HCN1: variants seen among roughly 807,000 people sequenced by gnomAD.
HCN1 encodes hyperpolarization activated cyclic nucleotide gated potassium channel 1, also known as potassium/sodium hyperpolarization-activated cyclic nucleotide-gated channel 1.
Under a neutral mutation model 78.9 loss-of-function variants are expected in HCN1, and 13 were observed. The observed-to-expected ratio is 0.16, with a 90% CI of 0.11 to 0.26. HCN1 has a LOEUF of 0.26. Among genes scored for constraint, HCN1 ranks in the 10% least tolerant of loss-of-function variants. The pLI is 1.00. For missense variants in HCN1, 810 were observed against 1,154.3 expected (o/e 0.70, Z 4.32); for synonymous variants, 552 against 455.5 (o/e 1.21, Z -2.70).
intron 2 of HCN1, among the ~76,000 whole-genome samples, chr5:45,590,528 T>A (rs946699980): frequency 6.6e-6 from 1 of 152,218 alleles, no homozygotes; most frequent in Non-Finnish European, 1.5e-5. Flanking sequence ...ATGGTTTACA[T>A]TAGGGGTCAC....
chr5:45,347,719 C>G (rs1746780045), intron 5 of HCN1, among the ~76,000 whole-genome samples: 1 of 152,002 alleles, frequency 6.6e-6, no homozygotes, highest in South Asian at 2.1e-4. Flanking sequence ...GTGAAGAATG[C>G]AGAAGCCTCA....
intron 6 of HCN1, among the ~76,000 whole-genome samples, chr5:45,283,128 A>G (rs1316701934): frequency 2.6e-5 from 4 of 152,168 alleles, no homozygotes; most frequent in Non-Finnish European, 5.9e-5. Flanking sequence ...GCATGTTCGA[A>G]ATTATTAAAG....
intron 3 of HCN1, among the ~76,000 whole-genome samples, chr5:45,398,494 T>G (rs1739726715): frequency 6.6e-6 from 1 of 152,144 alleles, no homozygotes; most frequent in Non-Finnish European, 1.5e-5. Context: ...ATGTGTAGGT[T>G]CATGTATTTA....
intron 6 of HCN1, among the ~76,000 whole-genome samples, chr5:45,299,469 G>A (rs1299347698): frequency 1.3e-5 from 2 of 151,432 alleles, no homozygotes; most frequent in African/African-American, 4.9e-5. Context: ...AATCATCTGG[G>A]GATTTTTTTC....
At chr5:45,290,867 G>T (rs1745358710) in intron 6 of HCN1, among the ~76,000 whole-genome samples, 1 of 151,780 alleles carries the variant, frequency 6.6e-6, no homozygotes, top group Admixed American at 6.6e-5. Flanking sequence ...ATAAGGAAAA[G>T]ACTATAAATA....
chr5:45,490,807 AT>A (rs1741865741), intron 2 of HCN1, among the ~76,000 whole-genome samples: 1 of 152,100 alleles, frequency 6.6e-6, no homozygotes, highest in Non-Finnish European at 1.5e-5. Context: ...TCATACATGT[AT>A]AATTCCTCAA....
intron 2 of HCN1, among the ~76,000 whole-genome samples, chr5:45,586,411 G>A (rs966765867): frequency 6.6e-6 from 1 of 152,078 alleles, no homozygotes; most frequent in African/African-American, 2.4e-5. Flanking sequence ...GATTTTCCAG[G>A]TGCCATCTGT....
At chr5:45,645,970 A>C (rs886253070) in intron 1 of HCN1, among the ~76,000 whole-genome samples, 1 of 152,062 alleles carries the variant, frequency 6.6e-6, no homozygotes, top group African/African-American at 2.4e-5. Context: ...AGATTAGAAG[A>C]TCTGTAAGAA....
intron 2 of HCN1, among the ~76,000 whole-genome samples, chr5:45,462,236 C>T (rs1164976442): frequency 6.6e-6 from 1 of 152,062 alleles, no homozygotes; most frequent in African/African-American, 2.4e-5. Context: ...ACAGAGATAG[C>T]ATGAATATAT....
chr5:45,682,318 T>C (rs955467452), intron 1 of HCN1, among the ~76,000 whole-genome samples: 27 of 148,296 alleles, frequency 1.8e-4, no homozygotes, highest in Non-Finnish European at 3.7e-4. Flanking sequence ...TTTTAAAAAC[T>C]ACATAAAACC....
intron 6 of HCN1, among the ~76,000 whole-genome samples, chr5:45,298,272 G>T (rs1182028693): frequency 2.0e-5 from 3 of 151,984 alleles, no homozygotes; most frequent in African/African-American, 4.8e-5. Flanking sequence ...AACAGAGAAA[G>T]AAGAACTTGG....
chr5:45,497,706 A>T (rs1220447901), intron 2 of HCN1, among the ~76,000 whole-genome samples: 1 of 151,916 alleles, frequency 6.6e-6, no homozygotes, highest in East Asian at 1.9e-4. Context: ...ATTTACATGA[A>T]TTTGCAGCAG....
At chr5:45,461,108 CAT>C (rs923506928) in intron 3 of HCN1, among the ~76,000 whole-genome samples, 4 of 151,938 alleles carry the variant, frequency 2.6e-5, no homozygotes, top group East Asian at 1.9e-4. Context: ...TTTGTGAACA[CAT>C]ATGTGTGTAT....
intron 5 of HCN1, among the ~76,000 whole-genome samples, chr5:45,350,101 T>A (rs1239313322): frequency 2.0e-5 from 3 of 152,156 alleles, no homozygotes; most frequent in Non-Finnish European, 4.4e-5. Context: ...ATATCCTTGA[T>A]GAACATTGAT....
At chr5:45,595,895 T>C (rs1004289799) in intron 2 of HCN1, among the ~76,000 whole-genome samples, 21 of 146,256 alleles carry the variant, frequency 1.4e-4, no homozygotes, top group Admixed American at 1.1e-3. Context: ...GGACCTATGA[T>C]TTTTTTTTTT....
intron 2 of HCN1, among the ~76,000 whole-genome samples, chr5:45,554,655 G>A (rs772939062): frequency 5.9e-5 from 9 of 151,690 alleles, no homozygotes; most frequent in Non-Finnish European, 1.2e-4. Flanking sequence ...GGGGATTCAG[G>A]ATAATACTTA....
At chr5:45,645,711 G>T in intron 1 of HCN1, 103 bp from the exon 2 acceptor site, 1 of 623,294 alleles carries the variant, frequency 1.6e-6, no homozygotes, top group Non-Finnish European at 2.7e-6. Flanking sequence ...ATAAGTAAAA[G>T]AACAAAGAAA....
intron 6 of HCN1, among the ~76,000 whole-genome samples, chr5:45,270,578 T>C (rs1744942895): frequency 6.6e-6 from 1 of 152,168 alleles, no homozygotes; most frequent in Non-Finnish European, 1.5e-5. Flanking sequence ...TGCTCCCAAA[T>C]ACAAATTCAT....
intron 2 of HCN1, among the ~76,000 whole-genome samples, chr5:45,609,796 A>G (rs1425698649): frequency 1.3e-5 from 2 of 152,198 alleles, no homozygotes; most frequent in Non-Finnish European, 2.9e-5. Context: ...GTGTTATAAC[A>G]TGCAGGAGAA....
Sources: gnomAD v4.1 joint callset for allele counts (sites outside exome capture counted in the v4.1 genomes callset) on GRCh38, gnomAD v4.1.1 for gene constraint, MANE v1.5 for transcripts, NCBI Gene and HGNC (gene_info 2026-07-23, HGNC 2026-07-21) for gene names.